The following ATP11B variants were observed in gnomAD, a reference collection of about 807,000 sequenced individuals.
The protein encoded by ATP11B is ATPase phospholipid transporting 11B (putative), also known as phospholipid-transporting ATPase IF.
A neutral mutation model predicts 157.8 loss-of-function variants in ATP11B; 81 were observed. That is an observed-to-expected ratio of 0.51 (90% CI 0.43 to 0.62). The LOEUF is 0.62. Among genes scored for constraint, ATP11B ranks in the 20% least tolerant of loss-of-function variants. The pLI is 0.00. For missense variants in ATP11B, 1,165 were observed against 1,402.2 expected (o/e 0.83, Z 2.70); for synonymous variants, 451 against 469.4 (o/e 0.96, Z 0.51).
At position 182,849,899 on chromosome 3, in the gene ATP11B, G is replaced by A. The variant is rs146292723; in HGVS notation, c.851+1342G>A. ...ACTTCAGCCTACGCTACCAAGATCA[G>A]CAAACTCTAAGCAGGAAAAATATAA... On this transcript the variant is annotated intron_variant, in intron 10 of 29. Transcript: ENST00000323116. 2.9e-3 allele frequency among the ~76,000 whole-genome samples: 437 copies of A among 152,166 alleles called. 4 individuals are homozygous for A. Among genetic ancestry groups the A allele is most frequent in the Middle Eastern group, 0.01 (3 of 294 alleles).
At chr3:182,879,103 T>A (rs1722248277) in intron 19 of ATP11B, among the ~76,000 whole-genome samples, 1 of 152,098 alleles carries the variant, frequency 6.6e-6, no homozygotes, top group Non-Finnish European at 1.5e-5. Flanking sequence ...TGAAACCCCA[T>A]CTCTACTAAA....
chr3:182,826,158 G>T (rs566970288), intron 2 of ATP11B, among the ~76,000 whole-genome samples: 42 of 152,116 alleles, frequency 2.8e-4, no homozygotes, highest in Non-Finnish European at 5.1e-4. Flanking sequence ...GACAAGCACA[G>T]AATTTAGACT....
chr3:182,797,707 CAAAAAAGAAAAAAG>C lies in ATP11B; in HGVS notation c.27+3938_27+3951del, dbSNP rs10576498. ...TGGGTGACAGAGGGAGACTCTGTCT[CAAAAAAGAAAAAAG>C]AAAAAAGAAAAAAGAACTCTCATTT... On this transcript the variant is annotated intron_variant, in intron 1 of 29. Coordinates refer to ENST00000323116, the MANE Select transcript of ATP11B (RefSeq NM_014616.3). Among the ~76,000 whole-genome samples, 178 of 147,094 alleles carry C rather than the reference CAAAAAAGAAAAAAG, an allele frequency of 1.2e-3. 2 individuals carry two copies. Among genetic ancestry groups the C allele is most frequent in the African/African-American group, 3.8e-3 (152 of 39,870 alleles).
Position 182,828,101 on chromosome 3 carries a change from T to A in ATP11B, c.145-19T>A. 8.7e-7 allele frequency: 1 copy of A among 1,150,828 alleles called. No individual in the cohort carries two copies. The highest frequency in any genetic ancestry group is 2.5e-5 in the East Asian group (1 of 39,370). 71.3% of individuals were successfully genotyped at this position (1,150,828 alleles called of 1,614,324 possible). ...GATATTATTTTTAAATATTAATTTA[T>A]TGATCTCTTTCTTTTTAGTACACTG... On this transcript the variant is annotated intron_variant, in intron 2 of 29. Transcript: ENST00000323116.
intron 4 of ATP11B, among the ~76,000 whole-genome samples, chr3:182,830,380 GTTTAGTTTTTATGTATTTT>G (rs1387020250): frequency 6.6e-6 from 1 of 151,772 alleles, no homozygotes; most frequent in Admixed American, 6.6e-5. Context: ...TCTCTTATGA[GTTTAGTTTTTATGTATTTT>G]CCCCCTGGGG....
chr3:182,894,307 C>T (rs1259187372), intron 25 of ATP11B, among the ~76,000 whole-genome samples: 1 of 152,212 alleles, frequency 6.6e-6, no homozygotes, highest in African/African-American at 2.4e-5. Flanking sequence ...CTGCCTCAGC[C>T]TCCCCAGTAG....
At chr3:182,914,065 C>T in intron 29 of ATP11B, 71 bp downstream of exon 29, 31 of 1,579,820 alleles carry the variant, frequency 2.0e-5, no homozygotes, top group Non-Finnish European at 2.6e-5. Context: ...ACCTGCCGCT[C>T]TAGATACCTA....
intron 12 of ATP11B, among the ~76,000 whole-genome samples, chr3:182,860,597 A>AG (rs1720756453): frequency 6.6e-6 from 1 of 152,134 alleles, no homozygotes; most frequent in Non-Finnish European, 1.5e-5. Flanking sequence ...ATGTCTTTCT[A>AG]TGTTTCTCTT....
chr3:182,880,650 T>C (rs1399073131), intron 20 of ATP11B, among the ~76,000 whole-genome samples: 6 of 152,180 alleles, frequency 3.9e-5, no homozygotes, highest in Non-Finnish European at 7.4e-5. Flanking sequence ...TTGTTTCTCA[T>C]CATAAAATCC....
At chr3:182,803,232 A>T (rs756091244) in intron 1 of ATP11B, among the ~76,000 whole-genome samples, 3 of 152,224 alleles carry the variant, frequency 2.0e-5, no homozygotes, top group African/African-American at 4.8e-5. Context: ...GTACTGTCAG[A>T]CTTGAAAAAA....
chr3:182,819,697 G>GT (rs1263308144), intron 1 of ATP11B, among the ~76,000 whole-genome samples: 2 of 152,308 alleles, frequency 1.3e-5, no homozygotes, highest in South Asian at 2.1e-4. Flanking sequence ...CTAATGCACT[G>GT]TAAGTCATCT....
rs368870764 is a variant in ATP11B, at chr3:182,863,097, T to C, written c.1201-2359T>C. 3.3e-5 allele frequency among the ~76,000 whole-genome samples: 5 copies of C among 151,856 alleles called. No homozygotes were observed. In the South Asian group the frequency reaches 6.2e-4, roughly 19 times the overall value. ...ACACCTGGCTAATTTTTTGTATTTTTAGTAGAGATGGGGTTTCACCGTGGT... is the reference window on the plus strand; with the variant it reads ...ACACCTGGCTAATTTTTTGTATTTTCAGTAGAGATGGGGTTTCACCGTGGT... On this transcript the variant is annotated intron_variant, in intron 12 of 29. Coordinates refer to ENST00000323116, the MANE Select transcript of ATP11B (RefSeq NM_014616.3).
chr3:182,796,289 GTAT>G (rs761031515), intron 1 of ATP11B, among the ~76,000 whole-genome samples: 33 of 152,220 alleles, frequency 2.2e-4, no homozygotes, highest in Non-Finnish European at 4.1e-4. Flanking sequence ...GGTACAGTTA[GTAT>G]TATTCAAAGT....
At chr3:182,818,948 C>T (rs942410659) in intron 1 of ATP11B, among the ~76,000 whole-genome samples, 1 of 150,498 alleles carries the variant, frequency 6.6e-6, no homozygotes. Context: ...AAGAAAAAAA[C>T]CTAAGGAATT....
chr3:182,861,413 C>T (rs1377824164), intron 12 of ATP11B, among the ~76,000 whole-genome samples: 1 of 152,082 alleles, frequency 6.6e-6, no homozygotes, highest in Non-Finnish European at 1.5e-5. Flanking sequence ...ACAGCACTTG[C>T]CAAATTGTTC....
chr3:182,910,530 G>A (rs1724704455), intron 28 of ATP11B, among the ~76,000 whole-genome samples: 2 of 152,006 alleles, frequency 1.3e-5, no homozygotes, highest in Admixed American at 6.6e-5. Context: ...AGGATCGATT[G>A]TGCCACTGCA....
chr3:182,853,004 C>G (rs1245517957), intron 10 of ATP11B, among the ~76,000 whole-genome samples: 2 of 152,156 alleles, frequency 1.3e-5, no homozygotes, highest in African/African-American at 4.8e-5. Context: ...ACTATCCAGT[C>G]TCACTACTTT....
intron 20 of ATP11B, among the ~76,000 whole-genome samples, chr3:182,879,972 C>T (rs1337385590): frequency 6.6e-6 from 1 of 152,226 alleles, no homozygotes; most frequent in South Asian, 2.1e-4. Context: ...CAATTATTTG[C>T]ACCTTCAGAT....
chr3:182,831,569 T>C (rs1718142460), intron 4 of ATP11B, among the ~76,000 whole-genome samples: 2 of 102,106 alleles, frequency 2.0e-5, no homozygotes, highest in African/African-American at 5.6e-5. Context: ...CTTCTTCATT[T>C]CCTACCATTT....
Sources: gnomAD v4.1 joint callset for allele counts (sites outside exome capture counted in the v4.1 genomes callset) on GRCh38, gnomAD v4.1.1 for gene constraint, MANE v1.5 for transcripts, NCBI Gene and HGNC (gene_info 2026-07-23, HGNC 2026-07-21) for gene names.